Variants in LRCH2 observed in about 807,000 individuals in gnomAD.
LRCH2 encodes leucine-rich repeat and calponin homology domain-containing protein 2.
LRCH2 carries 38 observed loss-of-function variants against 68.9 expected under a neutral mutation model. The ratio of observed to expected loss-of-function variants is 0.55; its 90% CI spans 0.43 to 0.72. LRCH2 has a LOEUF of 0.72. Ranked by LOEUF, LRCH2 falls within the 30% of genes least tolerant of loss-of-function variation. The pLI is 0.00. For synonymous variants in LRCH2, 191 were observed against 208.1 expected (o/e 0.92, Z 0.71); for missense variants, 528 against 572.9 (o/e 0.92, Z 0.80).
chrX:115,220,728 A>T (rs1389559808), intron 1 of LRCH2, among the ~76,000 whole-genome samples: 1 of 111,894 alleles, frequency 8.9e-6, no homozygotes, highest in Non-Finnish European at 1.9e-5. Context: ...TGTTAAAAGA[A>T]CATATTAATC....
intron 6 of LRCH2, among the ~76,000 whole-genome samples, chrX:115,168,068 T>C (rs953042168): frequency 4.5e-5 from 5 of 111,984 alleles, no homozygotes; most frequent in African/African-American, 1.3e-4. Context: ...ACCAGAGACA[T>C]TAATACACAA....
At position 115,174,602 on chromosome X, in the gene LRCH2, CA is replaced by C. The variant is rs1242049991; in HGVS notation, c.865-4171del. On this transcript the variant is annotated intron_variant, in intron 5 of 20. Transcript: ENST00000317135. The stretch of plus-strand genomic sequence containing the variant: ...TTACACACAAACACACCCCCCCCCC[CA>C]CACACACACACACACTATATTTTCT... Among the ~76,000 whole-genome samples, 101 of 70,185 alleles carry C rather than the reference CA, an allele frequency of 1.4e-3. 2 individuals are homozygous for C. Among genetic ancestry groups the C allele is most frequent in the South Asian group, 3.7e-3 (5 of 1,365 alleles). 60.9% of individuals were successfully genotyped at this position (70,185 alleles called of 115,157 possible).
intron 12 of LRCH2, among the ~76,000 whole-genome samples, chrX:115,155,038 CAAAAAAA>C (rs561385926): frequency 2.4e-5 from 1 of 41,860 alleles, no homozygotes; most frequent in African/African-American, 1.0e-4. Context: ...AAGACTCTGT[CAAAAAAA>C]AAAAAAAAAA....
At chrX:115,193,728 G>T (rs2072865697) in intron 1 of LRCH2, among the ~76,000 whole-genome samples, 1 of 110,965 alleles carries the variant, frequency 9.0e-6, no homozygotes, top group African/African-American at 3.3e-5. Flanking sequence ...CATTGTAGGG[G>T]GCTATCCTGG....
At chrX:115,210,395 C>T (rs1246187353) in intron 1 of LRCH2, among the ~76,000 whole-genome samples, 1 of 112,153 alleles carries the variant, frequency 8.9e-6, no homozygotes, top group Non-Finnish European at 1.9e-5. Context: ...AAGCCCCAAG[C>T]CTTGGCAGCT....
At chrX:115,232,629 T>C (rs2073160351) in intron 1 of LRCH2, among the ~76,000 whole-genome samples, 2 of 112,012 alleles carry the variant, frequency 1.8e-5, no homozygotes, top group African/African-American at 6.5e-5. Flanking sequence ...AAATAAGTGG[T>C]ATTTTACTAC....
intron 1 of LRCH2, among the ~76,000 whole-genome samples, chrX:115,220,037 T>C (rs1406019998): frequency 8.9e-6 from 1 of 112,186 alleles, no homozygotes; most frequent in African/African-American, 3.2e-5. Flanking sequence ...TTGAGAAGCA[T>C]CTATTATAAA....
rs996607520 is a variant in LRCH2 at position 115,233,809 on chromosome X, C to T, written c.233G>A (p.Arg78Lys). Residue 78 changes from arginine to lysine, a missense_variant, in exon 1 of 21, where the codon AGG becomes AAG. Physicochemically the swap from Arg to Lys is conservative, Grantham distance 26 (BLOSUM62 2). Coordinates refer to ENST00000317135, the MANE Select transcript of LRCH2 (RefSeq NM_020871.4). ...PGSLQPQHTV[R>K]SLDRALEEAG... Reference sequence around the variant, plus strand: ...CTCTTCCAGGGCCCGGTCCAGGCTCCTCACGGTGTGCTGAGGCTGCAGGCT... The same window carrying T: ...CTCTTCCAGGGCCCGGTCCAGGCTCTTCACGGTGTGCTGAGGCTGCAGGCT... 9 of 1,169,811 alleles carry T rather than the reference C, an allele frequency of 7.7e-6. No homozygotes were observed. The African/African-American group carries it at 1.6e-4, about 21-fold the overall frequency.
rs961710908 is a variant in LRCH2 at position 115,192,747 on chromosome X, T to C, written c.350-4377A>G. 18 of 858,481 alleles carry C rather than the reference T, an allele frequency of 2.1e-5. No homozygotes were observed. In the African/African-American group the frequency reaches 3.1e-4, roughly 15 times the overall value. 70.7% of individuals were successfully genotyped at this position (858,481 alleles called of 1,213,427 possible). A position where few individuals can be genotyped will look rare whatever the true frequency, so the allele number is the denominator to read the frequency against. ...GGACTAGTATAAGTAGGAGTTGTTT[T>C]TACCTTTTAAGAATTTCCTGTTAAG... On this transcript the variant is annotated intron_variant, in intron 1 of 20. Coordinates refer to ENST00000317135, the MANE Select transcript of LRCH2 (RefSeq NM_020871.4).
chrX:115,134,892 A>T (rs2072275495), intron 14 of LRCH2, among the ~76,000 whole-genome samples: 1 of 111,159 alleles, frequency 9.0e-6, no homozygotes, highest in African/African-American at 3.3e-5. Context: ...TGGGCAAAGC[A>T]AATTGAAAAC....
intron 1 of LRCH2, chrX:115,198,550 T>C (rs1433636368): frequency 7.2e-6 from 1 of 138,737 alleles, no homozygotes; most frequent in African/African-American, 3.2e-5. Flanking sequence ...ACCAAGTGTG[T>C]GCGGGGCATG....
At chrX:115,120,001 C>A (rs1284778262) in intron 20 of LRCH2, among the ~76,000 whole-genome samples, 2 of 110,816 alleles carry the variant, frequency 1.8e-5, no homozygotes, top group Non-Finnish European at 3.8e-5. Flanking sequence ...CTTCCTTACA[C>A]CTTATAAAAA....
At chrX:115,166,124 T>A in intron 7 of LRCH2, 131 bp downstream of exon 7, 1 of 656,431 alleles carries the variant, frequency 1.5e-6, no homozygotes. Flanking sequence ...ATGCCCTTTT[T>A]TTCAGTTTTA....
At chrX:115,189,912 G>A (rs1331319542) in intron 1 of LRCH2, 5 of 1,158,970 alleles carry the variant, frequency 4.3e-6, no homozygotes, top group Non-Finnish European at 5.8e-6. Context: ...CGCGGCACTG[G>A]GCCAGCCCAC....
intron 1 of LRCH2, chrX:115,192,336 C>T (rs782561052): frequency 7.4e-6 from 8 of 1,080,319 alleles, no homozygotes; most frequent in Non-Finnish European, 7.4e-6. Flanking sequence ...GGGGCCGCGA[C>T]AGTTCCATCA....
intron 3 of LRCH2, among the ~76,000 whole-genome samples, chrX:115,183,387 A>G (rs1556553361): frequency 9.0e-6 from 1 of 111,652 alleles, no homozygotes; most frequent in Non-Finnish European, 1.9e-5. Context: ...TAATAAAGTC[A>G]TACATAAGAA....
chrX:115,190,635 C>G (rs782060280), intron 1 of LRCH2: 1 of 1,155,724 alleles, frequency 8.7e-7, no homozygotes, highest in South Asian at 1.9e-5. Flanking sequence ...GCTCGCCCGA[C>G]GCCCACAGCG....
chrX:115,153,174 T>G, intron 12 of LRCH2, among the ~76,000 whole-genome samples: 2 of 105,444 alleles, frequency 1.9e-5, no homozygotes, highest in African/African-American at 3.5e-5. Context: ...ATGTTTAAGT[T>G]GGCTGGGTGG....
chrX:115,123,221 T>C (rs782234172), intron 17 of LRCH2, 29 bp from the exon 18 acceptor site: 3 of 1,122,066 alleles, frequency 2.7e-6, no homozygotes, highest in Non-Finnish European at 2.4e-6. Context: ...CCTAACTTGT[T>C]ACAAAGTTAA....
Sources: gnomAD v4.1 joint callset for allele counts (sites outside exome capture counted in the v4.1 genomes callset) on GRCh38, gnomAD v4.1.1 for gene constraint, MANE v1.5 for transcripts, NCBI Gene and HGNC (gene_info 2026-07-23, HGNC 2026-07-21) for gene names.